KDM4B: variants seen among roughly 807,000 people sequenced by gnomAD.
KDM4B encodes the protein lysine demethylase 4B.
In KDM4B, 32 loss-of-function variants were observed where a neutral mutation model predicts 125.2. That is an observed-to-expected ratio of 0.26 (90% confidence interval 0.19 to 0.34). The LOEUF is 0.34. KDM4B is among the 10% of genes least tolerant of loss of function. The pLI is 1.00. For missense variants in KDM4B, 1,190 were observed against 1,577.7 expected (o/e 0.75, Z 4.16); for synonymous variants, 721 against 677.9 (o/e 1.06, Z -0.99).
At position 5,087,194 on chromosome 19, in the gene KDM4B, AG is replaced by A. The variant is rs1308811042; in HGVS notation, c.918+4692del. On this transcript the variant is annotated intron_variant, in intron 9 of 22. Coordinates refer to ENST00000159111, the MANE Select transcript of KDM4B (RefSeq NM_015015.3). ...CGTGGGCACACGGAGGCCATTGTCA[AG>A]GAGGGGGTGGGATTTATTCCCGTGG... 9.8e-5 allele frequency among the ~76,000 whole-genome samples: 15 copies of A among 152,318 alleles called. No homozygotes were observed. The South Asian group carries it at 2.7e-3, about 27-fold the overall frequency.
chr19:5,024,903 G>T (rs773569427), intron 2 of KDM4B, among the ~76,000 whole-genome samples: 1 of 152,202 alleles, frequency 6.6e-6, no homozygotes, highest in Non-Finnish European at 1.5e-5. Flanking sequence ...AGCTGAGATC[G>T]CGCCACTGCA....
intron 9 of KDM4B, among the ~76,000 whole-genome samples, chr19:5,085,689 C>G (rs1034373455): frequency 2.6e-5 from 4 of 152,184 alleles, no homozygotes; most frequent in African/African-American, 9.6e-5. Flanking sequence ...GCTGTCCCAG[C>G]CCCTGCTCAG....
intron 2 of KDM4B, among the ~76,000 whole-genome samples, chr19:5,026,627 T>C (rs941770664): frequency 6.6e-6 from 1 of 152,160 alleles, no homozygotes; most frequent in African/African-American, 2.4e-5. Flanking sequence ...AGGAGGATTC[T>C]GGGGCCCTGG....
In KDM4B at chr19:4,982,590, G is replaced by GTT. The variant is rs202068299; in HGVS notation, c.-109+13361_-109+13362dup. 6.3e-3 allele frequency among the ~76,000 whole-genome samples: 923 copies of GTT among 147,608 alleles called. 6 individuals carry two copies. Among genetic ancestry groups the GTT allele is most frequent in the Admixed American group, 0.011 (171 of 15,030 alleles). On this transcript the variant is annotated intron_variant, in intron 1 of 22. Transcript: ENST00000159111. ...GCTTGTCTGTATAACCAAAAGTGAT[G>GTT]TTCTCTCTCTCTCTCTCTCTCTTTC... is the stretch of plus-strand genomic sequence containing the variant.
intron 5 of KDM4B, among the ~76,000 whole-genome samples, chr19:5,042,940 A>C (rs2036869257): frequency 1.3e-5 from 2 of 148,310 alleles, no homozygotes; most frequent in Non-Finnish European, 3.0e-5. Flanking sequence ...AGTTTTTAAT[A>C]ATTTTGTGCA....
At chr19:5,000,250 C>T (rs547779376) in intron 1 of KDM4B, among the ~76,000 whole-genome samples, 1 of 140,840 alleles carries the variant, frequency 7.1e-6, no homozygotes, top group African/African-American at 2.7e-5. Context: ...TCCACCCACC[C>T]ATCCATCCAC....
intron 6 of KDM4B, among the ~76,000 whole-genome samples, chr19:5,048,664 GGC>G (rs2037118536): frequency 6.6e-6 from 1 of 152,220 alleles, no homozygotes. Context: ...AGCAGGAAGG[GGC>G]GAGCTGTGCG....
intron 1 of KDM4B, among the ~76,000 whole-genome samples, chr19:4,984,648 G>A (rs2034766790): frequency 6.6e-6 from 1 of 152,148 alleles, no homozygotes; most frequent in Non-Finnish European, 1.5e-5. Flanking sequence ...CAGAGAACAT[G>A]CCCCTCTGCT....
intron 8 of KDM4B, 75 bp downstream of exon 8, chr19:5,077,545 C>A (rs2038156076): frequency 2.4e-6 from 3 of 1,238,684 alleles, no homozygotes; most frequent in Admixed American, 1.7e-5. Flanking sequence ...CGCACATACC[C>A]CAGGAGATAA....
intron 11 of KDM4B, among the ~76,000 whole-genome samples, chr19:5,130,134 C>T (rs1168312497): frequency 2.0e-5 from 3 of 152,170 alleles, no homozygotes; most frequent in Admixed American, 6.5e-5. Flanking sequence ...TCTCACCCTC[C>T]CGCCTCATCT....
chr19:5,053,546 C>A (rs934150383), intron 6 of KDM4B, among the ~76,000 whole-genome samples: 1 of 152,294 alleles, frequency 6.6e-6, no homozygotes, highest in East Asian at 1.9e-4. Context: ...GGTTCCTGCC[C>A]GCCAAGGCCT....
chr19:5,059,566 T>G (rs759173815), intron 6 of KDM4B, among the ~76,000 whole-genome samples: 33 of 152,124 alleles, frequency 2.2e-4, no homozygotes, highest in Admixed American at 1.1e-3. Context: ...AGGCTGAGAC[T>G]TAGGTCATAG....
At chr19:5,136,457 G>A (rs1382551213) in intron 15 of KDM4B, among the ~76,000 whole-genome samples, 1 of 152,182 alleles carries the variant, frequency 6.6e-6, no homozygotes, top group Non-Finnish European at 1.5e-5. Flanking sequence ...TTTCCTCCTG[G>A]CGGTGGCCTG....
At chr19:5,017,750 AT>A (rs34547598) in intron 2 of KDM4B, among the ~76,000 whole-genome samples, 2 of 151,474 alleles carry the variant, frequency 1.3e-5, no homozygotes, top group South Asian at 2.1e-4. Flanking sequence ...ATTTATTTTT[AT>A]TTTTTTTGAG....
In KDM4B at chr19:5,137,593, C is replaced by G. The variant is rs1356660633; in HGVS notation, c.2386-28C>G. Reference sequence around the variant, plus strand: ...TGTGGGGAGCCTGCTCCGAGCCCTGCTCATCCAGGGCTGTCTGGTCTCCAC... The same window carrying G: ...TGTGGGGAGCCTGCTCCGAGCCCTGGTCATCCAGGGCTGTCTGGTCTCCAC... On this transcript the variant is annotated intron_variant, in intron 16 of 22. Transcript: ENST00000159111. 18 of 1,595,014 alleles carry G rather than the reference C, an allele frequency of 1.1e-5. 1 individual carries two copies. The East Asian group carries it at 4.0e-4, about 36-fold the overall frequency.
intron 1 of KDM4B, among the ~76,000 whole-genome samples, chr19:5,009,420 C>A (rs2035663062): frequency 6.6e-6 from 1 of 152,094 alleles, no homozygotes; most frequent in Admixed American, 6.5e-5. Context: ...TTCAGTGGGG[C>A]CTGGAAGTGG....
rs967452373 is a variant in KDM4B at position 5,077,189 on chromosome 19, C to G, written c.677-178C>G. Reference sequence around the variant, plus strand: ...TGGGGCGGCTCCTGCGCATCTCCTTCCCCCCGACCTGCAGGCACTGGGGCC... The same window carrying G: ...TGGGGCGGCTCCTGCGCATCTCCTTGCCCCCGACCTGCAGGCACTGGGGCC... On this transcript the variant is annotated intron_variant, in intron 7 of 22. Transcript: ENST00000159111. 6.3e-6 allele frequency: 4 copies of G among 630,038 alleles called. No individual in the cohort carries two copies. In the African/African-American group the frequency reaches 7.3e-5, roughly 12 times the overall value. The allele number at this position is 630,038 out of a possible 1,614,324, so 39.0% of individuals were successfully genotyped here. A position where few individuals can be genotyped will look rare whatever the true frequency, so the allele number is the denominator to read the frequency against.
At chr19:5,123,274 A>G (rs1014074522) in intron 11 of KDM4B, among the ~76,000 whole-genome samples, 3 of 152,158 alleles carry the variant, frequency 2.0e-5, no homozygotes, top group Admixed American at 6.5e-5. Flanking sequence ...GAAATGTACA[A>G]TCTCACACCT....
At chr19:5,113,563 G>C (rs1199759802) in intron 10 of KDM4B, among the ~76,000 whole-genome samples, 2 of 152,168 alleles carry the variant, frequency 1.3e-5, no homozygotes, top group African/African-American at 4.8e-5. Flanking sequence ...TGTGGCTCAG[G>C]CTGGATCGGG....
Sources: gnomAD v4.1 joint callset for allele counts (sites outside exome capture counted in the v4.1 genomes callset) on GRCh38, gnomAD v4.1.1 for gene constraint, MANE v1.5 for transcripts, NCBI Gene and HGNC (gene_info 2026-07-23, HGNC 2026-07-21) for gene names.